Variants in CHD7 observed in about 807,000 individuals in gnomAD.
CHD7 encodes the protein chromodomain helicase DNA binding protein 7, also known as ATP-dependent chromatin remodeler CHD7.
A neutral mutation model predicts 307.3 loss-of-function variants in CHD7; 24 were observed. The ratio of observed to expected loss-of-function variants is 0.08; its 90% CI spans 0.06 to 0.11. CHD7 has a LOEUF of 0.11. Among genes scored for constraint, CHD7 ranks in the 10% least tolerant of loss-of-function variants. CHD7 has a pLI of 1.00. For missense variants in CHD7, 3,106 were observed against 3,727.1 expected, an observed-to-expected ratio of 0.83 and a Z score of 4.34; for synonymous variants, 1,363 against 1,349.9, an observed-to-expected ratio of 1.01 and a Z score of -0.21.
chr8:60,817,426 A>G (rs1179689488), intron 8 of CHD7, among the ~76,000 whole-genome samples: 2 of 152,188 alleles, frequency 1.3e-5, no homozygotes, highest in Non-Finnish European at 2.9e-5. Flanking sequence ...AAATTCTTAT[A>G]CTATCAGGTA....
chr8:60,813,119 A>G (rs1812888216), intron 7 of CHD7, among the ~76,000 whole-genome samples: 1 of 152,176 alleles, frequency 6.6e-6, no homozygotes, highest in African/African-American at 2.4e-5. Context: ...AATTGTACAC[A>G]TTTTTAATTA....
intron 1 of CHD7, among the ~76,000 whole-genome samples, chr8:60,682,504 G>T (rs1459979854): frequency 2.0e-5 from 3 of 152,218 alleles, no homozygotes; most frequent in Admixed American, 1.3e-4. Flanking sequence ...CCAAGTTAGT[G>T]TAGTTCTTTC....
At chr8:60,766,394 A>G (rs1323061990) in intron 2 of CHD7, among the ~76,000 whole-genome samples, 1 of 152,198 alleles carries the variant, frequency 6.6e-6, no homozygotes, top group Admixed American at 6.5e-5. Flanking sequence ...TCTGTGAGGG[A>G]GATGGGAAGG....
chr8:60,831,629 G>A (rs989546536), intron 15 of CHD7, among the ~76,000 whole-genome samples: 1 of 151,780 alleles, frequency 6.6e-6, no homozygotes, highest in Non-Finnish European at 1.5e-5. Flanking sequence ...AAAAGGATGG[G>A]AGGAGGAAAG....
At position 60,861,098 on chromosome 8, in the gene CHD7, C is replaced by T. The variant is rs1563669432; in HGVS notation, c.7803C>T (p.Tyr2601=). The T allele has an allele frequency of 6.2e-7, 1 of 1,601,626 alleles. No homozygotes were observed. ...AATGGCTGAAGCTGCACCCTACTTA[C>T]ACTGTTGATATGCCAAGTTATGTAC... is the stretch of plus-strand genomic sequence containing the variant. The part of the protein sequence containing the change: ...LVEWLKLHPT[Y]TVDMPSYVPK... Residue 2601 remains tyrosine (Y), a synonymous_variant, in exon 35 of 38, where the codon TAC becomes TAT. Coordinates refer to ENST00000423902, the MANE Select transcript of CHD7 (RefSeq NM_017780.4).
intron 1 of CHD7, among the ~76,000 whole-genome samples, chr8:60,710,366 AC>A (rs1479416213): frequency 6.6e-6 from 1 of 152,090 alleles, no homozygotes; most frequent in Non-Finnish European, 1.5e-5. Context: ...TGCAATGCAC[AC>A]AGTTATGTAC....
chr8:60,865,071 G>C lies in CHD7; in HGVS notation c.8132G>C (p.Gly2711Ala). The C allele has an allele frequency of 6.2e-7, 1 of 1,609,838 alleles. No individual in the cohort carries two copies. The highest frequency in any genetic ancestry group is 8.5e-7 in the Non-Finnish European group (1 of 1,178,006). Residue 2711 changes from glycine (G) to alanine (A), a missense_variant, in exon 38 of 38, where the codon GGA (glycine) becomes GCA (alanine). Transcript: ENST00000423902. This position sits in a 1 kb window ranked among gnomAD's most constrained non-coding sequence, Gnocchi z 4.3. The stretch of plus-strand genomic sequence containing the variant: ...CTTCTCACTGGGCCTGTAGTGCGGG[G>C]AGAGGGAGCGAGCAGAAGAGGAAGA... ...DRLLTGPVVRGEGASRRGRRP... is the reference protein window; with the variant it reads ...DRLLTGPVVRAEGASRRGRRP...
intron 1 of CHD7, among the ~76,000 whole-genome samples, chr8:60,699,833 CT>C (rs35196950): frequency 0.54 from 79,368 of 146,630 alleles, 24,709 homozygotes; most frequent in East Asian, 0.75. Flanking sequence ...GATATTATTT[CT>C]TTTTTTTTTT....
At chr8:60,736,127 A>C (rs1052717935) in intron 1 of CHD7, among the ~76,000 whole-genome samples, 2 of 152,210 alleles carry the variant, frequency 1.3e-5, no homozygotes, top group Non-Finnish European at 2.9e-5. Context: ...CCCATGAAGC[A>C]AATACGGAAA....
intron 23 of CHD7, among the ~76,000 whole-genome samples, chr8:60,847,602 G>T (rs571728489): frequency 6.6e-6 from 1 of 152,178 alleles, no homozygotes; most frequent in Non-Finnish European, 1.5e-5. Context: ...TGCGATTCAC[G>T]TATCAGTCCT....
Position 60,741,783 on chromosome 8 carries a change from C to T in CHD7, c.351C>T (p.Gly117=). The T allele has an allele frequency of 6.2e-7, 1 of 1,613,908 alleles. No individual in the cohort carries two copies. Among genetic ancestry groups the T allele is most frequent in the Non-Finnish European group, 8.5e-7 (1 of 1,179,854 alleles). Reference sequence around the variant, plus strand: ...CCGTTCCTCAGGTGCCCCATGGTGGCAGTGGTGGCGGTCAGATGGGTGTCT... The same window carrying T: ...CCGTTCCTCAGGTGCCCCATGGTGGTAGTGGTGGCGGTCAGATGGGTGTCT... ...TPPVPQVPHG[G]SGGGQMGVYP... is the part of the protein sequence containing the mutation. Residue 117 remains glycine (G), a synonymous_variant, in exon 2 of 38, where the codon GGC becomes GGT. Coordinates refer to ENST00000423902, the MANE Select transcript of CHD7 (RefSeq NM_017780.4).
chr8:60,837,638 C>A, intron 17 of CHD7, 30 bp from the exon 18 acceptor site: 1 of 1,501,888 alleles, frequency 6.7e-7, no homozygotes, highest in Non-Finnish European at 9.0e-7. Flanking sequence ...AGGTTCATTG[C>A]AGTAACTATT....
chr8:60,854,426 G>T lies in CHD7; in HGVS notation c.6839G>T (p.Arg2280Ile). The change falls in exon 32 of 38, where the codon AGA becomes ATA. Residue 2280 changes from arginine (R) to isoleucine (I), a missense_variant. Physicochemically the swap from Arg to Ile is moderately conservative, Grantham distance 97. Transcript: ENST00000423902. ...EESNASMSTA[R>I]DETRDGFYME... is the part of the protein sequence containing the mutation. The stretch of plus-strand genomic sequence containing the variant: ...AGCAATGCTTCCATGAGCACTGCTA[G>T]AGATGAAACCCGAGATGGATTCTAC... The T allele has an allele frequency of 6.2e-7, 1 of 1,613,792 alleles. No homozygotes were observed. Among genetic ancestry groups the T allele is most frequent in the Non-Finnish European group, 8.5e-7 (1 of 1,179,712 alleles).
chr8:60,739,121 C>A (rs990680207), intron 1 of CHD7, among the ~76,000 whole-genome samples: 1 of 152,204 alleles, frequency 6.6e-6, no homozygotes. Flanking sequence ...AAGCCATCCA[C>A]TCCCTCTGGG....
chr8:60,782,006 A>G (rs528303092), intron 3 of CHD7, among the ~76,000 whole-genome samples: 1 of 152,020 alleles, frequency 6.6e-6, no homozygotes, highest in East Asian at 1.9e-4. Flanking sequence ...ACCCTCTTTC[A>G]CTCCATATTC....
At chr8:60,729,781 CT>C (rs772015082) in intron 1 of CHD7, among the ~76,000 whole-genome samples, 9 of 152,184 alleles carry the variant, frequency 5.9e-5, no homozygotes, top group Non-Finnish European at 1.0e-4. Context: ...ACTGCACTTA[CT>C]TTTTCTTATA....
chr8:60,713,129 T>C (rs1433403758), intron 1 of CHD7, among the ~76,000 whole-genome samples: 1 of 151,922 alleles, frequency 6.6e-6, no homozygotes, highest in Non-Finnish European at 1.5e-5. Flanking sequence ...TTTGTTGTTG[T>C]TGGGACAGAG....
intron 3 of CHD7, among the ~76,000 whole-genome samples, chr8:60,782,392 CAG>C (rs1423210146): frequency 1.3e-5 from 2 of 152,188 alleles, no homozygotes; most frequent in Admixed American, 1.3e-4. Flanking sequence ...AGTACACAAA[CAG>C]AGGAGATTAA....
At chr8:60,729,883 C>CT (rs1365307044) in intron 1 of CHD7, among the ~76,000 whole-genome samples, 1 of 152,078 alleles carries the variant, frequency 6.6e-6, no homozygotes, top group African/African-American at 2.4e-5. Context: ...AAAGTGTGAT[C>CT]TTTTTTCAAA....
Sources: allele counts gnomAD v4.1 joint callset (sites outside exome capture counted in the v4.1 genomes callset), GRCh38; gene constraint gnomAD v4.1.1; non-coding constraint Gnocchi (gnomAD v3.1); transcripts MANE v1.5; gene names NCBI Gene and HGNC (gene_info 2026-07-23, HGNC 2026-07-21).